ATN1: variants seen among roughly 807,000 people sequenced by gnomAD.
ATN1 encodes the protein atrophin-1.
In ATN1, 19 loss-of-function variants were observed where a neutral mutation model predicts 85.8. That is an observed-to-expected ratio of 0.22 (90% CI 0.15 to 0.32). The LOEUF (loss-of-function observed/expected upper bound fraction) is 0.32. Among genes scored for constraint, ATN1 ranks in the 10% least tolerant of loss-of-function variants. ATN1 has a pLI of 1.00. For missense variants in ATN1, 1,453 were observed against 1,564.5 expected (o/e 0.93, Z 1.20); for synonymous variants, 674 against 657.0 (o/e 1.03, Z -0.39).
At position 6,937,328 on chromosome 12, in the gene ATN1, G is replaced by C. The variant is rs782409208; in HGVS notation, c.2061G>C (p.Pro687=). 3 of 1,563,476 alleles carry C rather than the reference G, an allele frequency of 1.9e-6. No individual in the cohort carries two copies. In the Admixed American group the frequency reaches 5.7e-5, roughly 30 times the overall value. Residue 687 remains proline, a synonymous_variant, in exon 5 of 10, where the codon CCG becomes CCC. Coordinates refer to ENST00000396684, the MANE Select transcript of ATN1 (RefSeq NM_001940.4). This position sits in a 1 kb window ranked among gnomAD's most constrained non-coding sequence, Gnocchi z 6.0. ...CTGCAGGCCCAGGGACCTTCAAGCCGGGCTCGCCCACCGTGGGACCTGGGC... is the reference window on the plus strand; with the variant it reads ...CTGCAGGCCCAGGGACCTTCAAGCCCGGCTCGCCCACCGTGGGACCTGGGC... ...SPPAGPGTFK[P]GSPTVGPGPL...
chr12:6,936,633 A>G lies in ATN1; in HGVS notation c.1366A>G (p.Asn456Asp). ...CTATGGCCGCCTCTTAGCCAACAGC[A>G]ATGCCCATCCAGGCCCCTTCCCTCC... ...PPYGRLLANS[N>D]AHPGPFPPST... is the part of the protein sequence containing the mutation. The change falls in exon 5 of 10, where the codon AAT (asparagine) becomes GAT (aspartate). Residue 456 changes from asparagine to aspartate, a missense_variant. Asn to Asp is a conservative substitution (Grantham distance 23). Around this residue, in one of 6 missense-constraint regions of ATN1, gnomAD observed 990 missense variants for 914.8 expected, o/e 1.08. Coordinates refer to ENST00000396684, the MANE Select transcript of ATN1 (RefSeq NM_001940.4). The G allele has an allele frequency of 6.2e-7, 1 of 1,613,136 alleles. No homozygotes were observed. The highest frequency in any genetic ancestry group is 1.1e-5 in the South Asian group (1 of 91,038).
At position 6,937,422 on chromosome 12, in the gene ATN1, C is replaced by T. The variant is rs1945563352; in HGVS notation, c.2155C>T (p.Pro719Ser). The change falls in exon 5 of 10, where the codon CCG becomes TCG. Residue 719 changes from proline (P) to serine (S), a missense_variant. Coordinates refer to ENST00000396684, the MANE Select transcript of ATN1 (RefSeq NM_001940.4). The surrounding 1 kb of genome is among the most constrained non-coding windows in gnomAD (Gnocchi z 6.0). ...PPPPAAPASGPPLSATQIKQE... is the reference protein window; with the variant it reads ...PPPPAAPASGSPLSATQIKQE... ...ACCACCTGCGGCCCCTGCCTCAGGG[C>T]CGCCCCTGAGCGCCACGCAGATCAA... 1 of 1,547,630 alleles carries T rather than the reference C, an allele frequency of 6.5e-7. No individual in the cohort carries two copies. Among genetic ancestry groups the T allele is most frequent in the Non-Finnish European group, 8.7e-7 (1 of 1,147,420 alleles).
rs1555143862 is a variant in ATN1, at chr12:6,937,010, G to C, written c.1743G>C (p.Gly581=). 2.5e-6 allele frequency: 4 copies of C among 1,613,678 alleles called. No homozygotes were observed. Among genetic ancestry groups the C allele is most frequent in the Non-Finnish European group, 3.4e-6 (4 of 1,179,814 alleles). ...SSNSSSSTSQ[G]SYPCSHPSPS... ...ACTCTTCCTCTTCCACTTCTCAAGG[G>C]TCCTACCCATGTTCACACCCCTCCC... The change falls in exon 5 of 10, where the codon GGG becomes GGC. Residue 581 remains glycine, a synonymous_variant. Coordinates refer to ENST00000396684, the MANE Select transcript of ATN1 (RefSeq NM_001940.4). The surrounding 1 kb of genome is among the most constrained non-coding windows in gnomAD (Gnocchi z 6.0).
chr12:6,938,880 C>T lies in ATN1; in HGVS notation c.2917C>T (p.Arg973Ter). The T allele has an allele frequency of 6.2e-7, 1 of 1,614,134 alleles. No homozygotes were observed. The highest frequency in any genetic ancestry group is 8.5e-7 in the Non-Finnish European group (1 of 1,180,022). ...VPGPGLDPFP[R>*]HGGLALQPGP... is the part of the protein sequence containing the mutation. ...TGGGCCGGGCTTGGATCCCTTTCCCCGACATGGGGGCCTGGCTCTGCAGCC... is the reference window on the plus strand; with the variant it reads ...TGGGCCGGGCTTGGATCCCTTTCCCTGACATGGGGGCCTGGCTCTGCAGCC... The change falls in exon 7 of 10, where the codon CGA becomes TGA. Residue 973 changes from arginine (R) to a stop codon, truncating the protein, a stop_gained. Coordinates refer to ENST00000396684, the MANE Select transcript of ATN1 (RefSeq NM_001940.4). LOFTEE classifies it high-confidence loss of function.
upstream of ATN1, among the ~76,000 whole-genome samples, chr12:6,927,665 C>T (rs1017618197): frequency 6.6e-6 from 1 of 151,836 alleles, no homozygotes; most frequent in Non-Finnish European, 1.5e-5. Context: ...TCTCTCCCCC[C>T]TCGCGGCTTG....
chr12:6,941,584 A>C lies in ATN1; in HGVS notation c.3539+30A>C. 1 of 1,610,668 alleles carries C rather than the reference A, an allele frequency of 6.2e-7. No homozygotes were observed. The highest frequency in any genetic ancestry group is 1.1e-5 in the South Asian group (1 of 91,038). ...CCTAGGGTGCCCCAGCCCAGGGGAC[A>C]TGGGCTCAGCGAGCCTGGGAGGAGC... On this transcript the variant is annotated intron_variant, in intron 9 of 9. Transcript: ENST00000396684. The surrounding 1 kb of genome is among the most constrained non-coding windows in gnomAD (Gnocchi z 5.9).
At chr12:6,939,638 A>G (rs1246039403) in intron 7 of ATN1, among the ~76,000 whole-genome samples, 1 of 152,208 alleles carries the variant, frequency 6.6e-6, no homozygotes, top group East Asian at 1.9e-4. Flanking sequence ...AGTAGCTGGG[A>G]TTACAGGCGT....
intron 7 of ATN1, among the ~76,000 whole-genome samples, chr12:6,940,598 A>G (rs782265044): frequency 1.1e-4 from 17 of 151,884 alleles, no homozygotes; most frequent in Non-Finnish European, 2.2e-4. Context: ...AACTTCTATC[A>G]TCTTCCACCT....
Position 6,938,016 on chromosome 12 carries a change from ACGCGAGAAAGAGCGCGAG to A in ATN1, c.2475_2492del (p.Arg829_Glu834del), listed in dbSNP as rs782511880. On this transcript the variant is annotated inframe_deletion, in exon 6 of 10. Transcript: ENST00000396684. ...AAAAGGAGCGCGAGCGCGAGCGGGA[ACGCGAGAAAGAGCGCGAG>A]CGCGAGAAGGAGCGCGAGCTTGAAC... The A allele has an allele frequency of 5.7e-5, 88 of 1,541,178 alleles. No homozygotes were observed. Among genetic ancestry groups the A allele is most frequent in the Non-Finnish European group, 7.1e-5 (81 of 1,141,500 alleles).
rs997592445 is a variant in ATN1, at chr12:6,940,796, C to T, written c.3215-84C>T. ...CTCCTTGTGTTTGTCTGACTCAGTT[C>T]CCAGGCTTGGATCCCTTCACCCAAA... On this transcript the variant is annotated intron_variant, in intron 7 of 9. Coordinates refer to ENST00000396684, the MANE Select transcript of ATN1 (RefSeq NM_001940.4). 27 of 1,546,576 alleles carry T rather than the reference C, an allele frequency of 1.7e-5. No homozygotes were observed. The African/African-American group carries it at 3.4e-4, about 19-fold the overall frequency.
chr12:6,937,431 A>G lies in ATN1; in HGVS notation c.2164A>G (p.Ser722Gly). ...GGCCCCTGCCTCAGGGCCGCCCCTG[A>G]GCGCCACGCAGATCAAACAGGAGCC... ...PAAPASGPPL[S>G]ATQIKQEPAE... The change falls in exon 5 of 10, where the codon AGC becomes GGC. Residue 722 changes from serine to glycine, a missense_variant. Ser to Gly is a moderately conservative substitution (Grantham distance 56, BLOSUM62 0). Coordinates refer to ENST00000396684, the MANE Select transcript of ATN1 (RefSeq NM_001940.4). This position sits in a 1 kb window ranked among gnomAD's most constrained non-coding sequence, Gnocchi z 6.0. 1 of 1,547,146 alleles carries G rather than the reference A, an allele frequency of 6.5e-7. No homozygotes were observed. Among genetic ancestry groups the G allele is most frequent in the South Asian group, 1.2e-5 (1 of 84,286 alleles).
chr12:6,931,988 C>T (rs113909895), intron 1 of ATN1, among the ~76,000 whole-genome samples: 2,758 of 129,788 alleles, frequency 0.021, 89 homozygotes, highest in African/African-American at 0.078. Context: ...TGAGTGAGAT[C>T]ACGCCACTGC....
chr12:6,940,072 C>T (rs1023689019), intron 7 of ATN1, among the ~76,000 whole-genome samples: 4 of 152,200 alleles, frequency 2.6e-5, no homozygotes, highest in Non-Finnish European at 5.9e-5. Flanking sequence ...ACCTCCGCCT[C>T]TGGGGTTCAA....
rs782067893 is a variant in ATN1, at chr12:6,941,055, A to G, written c.3358+32A>G. 46 of 1,611,030 alleles carry G rather than the reference A, an allele frequency of 2.9e-5. No individual in the cohort carries two copies. Among genetic ancestry groups the G allele is most frequent in the Non-Finnish European group, 3.7e-5 (44 of 1,177,838 alleles). Reference sequence around the variant, plus strand: ...ATGGAAGTTGGGGTAGGCAGCTCCAATGAGAAAAGGGCAGAAAGGAGGTAT... The same window carrying G: ...ATGGAAGTTGGGGTAGGCAGCTCCAGTGAGAAAAGGGCAGAAAGGAGGTAT... On this transcript the variant is annotated intron_variant, in intron 8 of 9. Coordinates refer to ENST00000396684, the MANE Select transcript of ATN1 (RefSeq NM_001940.4). This position sits in a 1 kb window ranked among gnomAD's most constrained non-coding sequence, Gnocchi z 5.9.
At position 6,938,593 on chromosome 12, in the gene ATN1, G is replaced by A; in HGVS notation, c.2630G>A (p.Gly877Asp). The part of the protein sequence containing the change: ...SAVATVPPYL[G>D]PDTPALRTLS... ...GTGGCTACAGTGCCCCCCTACCTGG[G>A]TCCTGACACTCCAGCCTTGCGCACT... Residue 877 changes from glycine to aspartate, a missense_variant, in exon 7 of 10, where the codon GGT (glycine) becomes GAT (aspartate). Gly to Asp is a moderately conservative substitution (Grantham distance 94). This residue lies in a region of ATN1 where 208 missense variants were observed against 263.4 expected (regional missense o/e 0.79). Transcript: ENST00000396684. The A allele has an allele frequency of 1.2e-6, 2 of 1,614,224 alleles. No homozygotes were observed. Among genetic ancestry groups the A allele is most frequent in the Non-Finnish European group, 1.7e-6 (2 of 1,180,036 alleles).
Position 6,941,397 on chromosome 12 carries a change from G to A in ATN1, c.3382G>A (p.Ala1128Thr). The change falls in exon 9 of 10, where the codon GCC becomes ACC. Residue 1128 changes from alanine (A) to threonine (T), a missense_variant. By Grantham distance (58) the Ala-to-Thr change is moderately conservative. Transcript: ENST00000396684. The surrounding 1 kb of genome is among the most constrained non-coding windows in gnomAD (Gnocchi z 5.9). ...AGCTGCCCCTTACCGGGACCTGCCGGCCTCCCTTTCTGCCCCGATGTCAGC... is the reference window on the plus strand; with the variant it reads ...AGCTGCCCCTTACCGGGACCTGCCGACCTCCCTTTCTGCCCCGATGTCAGC... ...LFAAPYRDLP[A>T]SLSAPMSAAH... 1 of 1,603,122 alleles carries A rather than the reference G, an allele frequency of 6.2e-7. No homozygotes were observed. The highest frequency in any genetic ancestry group is 8.5e-7 in the Non-Finnish European group (1 of 1,173,888).
At position 6,937,175 on chromosome 12, in the gene ATN1, C is replaced by G; in HGVS notation, c.1908C>G (p.Pro636=). 1 of 1,611,300 alleles carries G rather than the reference C, an allele frequency of 6.2e-7. No homozygotes were observed. The change falls in exon 5 of 10, where the codon CCC becomes CCG. Residue 636 remains proline (P), a synonymous_variant. Coordinates refer to ENST00000396684, the MANE Select transcript of ATN1 (RefSeq NM_001940.4). This position sits in a 1 kb window ranked among gnomAD's most constrained non-coding sequence, Gnocchi z 6.0. ...ACAAAACGGCCTCCCCACCTGGGCC[C>G]CCACCGTACGGAAAGAGAGCCCCGT... ...AGYKTASPPG[P]PPYGKRAPSP... is the part of the protein sequence containing the mutation.
At chr12:6,933,606 C>T (rs1203210602) in intron 1 of ATN1, among the ~76,000 whole-genome samples, 1 of 152,136 alleles carries the variant, frequency 6.6e-6, no homozygotes, top group Non-Finnish European at 1.5e-5. Flanking sequence ...TAGGTACATC[C>T]GAATTTTCTG....
In ATN1 at chr12:6,937,702, T is replaced by G. The variant is rs1453959769; in HGVS notation, c.2294+141T>G. The G allele has an allele frequency of 7.0e-7, 1 of 1,437,978 alleles. No individual in the cohort carries two copies. The highest frequency in any genetic ancestry group is 1.5e-5 in the South Asian group (1 of 68,066). 89.1% of individuals were successfully genotyped at this position (1,437,978 alleles called of 1,614,324 possible). ...GCCCCTCTCCTCCGTCCAGGCCTAG[T>G]GGCCAGTGAGGCCCGCAGCAGCTCA... On this transcript the variant is annotated intron_variant, in intron 5 of 9. Transcript: ENST00000396684. This position sits in a 1 kb window ranked among gnomAD's most constrained non-coding sequence, Gnocchi z 6.0.
Sources: gnomAD v4.1 joint callset for allele counts (sites outside exome capture counted in the v4.1 genomes callset) on GRCh38, gnomAD v4.1.1 for gene constraint, gnomAD v4.1.1 regional missense constraint, Gnocchi (gnomAD v3.1) non-coding constraint, MANE v1.5 for transcripts, NCBI Gene and HGNC (gene_info 2026-07-23, HGNC 2026-07-21) for gene names.